The following LAMA2 variants were observed in gnomAD, a reference collection of about 807,000 sequenced individuals.
LAMA2 encodes laminin subunit alpha-2.
LAMA2 carries 269 observed loss-of-function variants against 364.8 expected under a neutral mutation model. The observed-to-expected ratio is 0.74, with a 90% CI of 0.67 to 0.82. The LOEUF (loss-of-function observed/expected upper bound fraction) is 0.82. Among genes scored for constraint, LAMA2 ranks in the 40% least tolerant of loss-of-function variants. The probability of loss-of-function intolerance (pLI) is 0.00; values close to 1 mark genes in which losing one functional copy is unlikely to be tolerated. For synonymous variants in LAMA2, 1,379 were observed against 1,370.6 expected, an observed-to-expected ratio of 1.01 and a Z score of -0.14; for missense variants, 3,807 against 3,873.2, an observed-to-expected ratio of 0.98 and a Z score of 0.45.
At chr6:129,129,923 CA>C (rs543305057) in intron 4 of LAMA2, among the ~76,000 whole-genome samples, 7,576 of 76,338 alleles carry the variant, frequency 0.099, 703 homozygotes, top group African/African-American at 0.28. Context: ...GATTCCGTCT[CA>C]AAAAAAAAAA....
intron 1 of LAMA2, among the ~76,000 whole-genome samples, chr6:129,022,270 C>G (rs1053052373): frequency 6.6e-6 from 1 of 152,098 alleles, no homozygotes; most frequent in Non-Finnish European, 1.5e-5. Flanking sequence ...CATACATTTT[C>G]GAGGTTTTTA....
chr6:129,408,850 A>G (rs1024847885), intron 40 of LAMA2, among the ~76,000 whole-genome samples: 1 of 152,120 alleles, frequency 6.6e-6, no homozygotes, highest in African/African-American at 2.4e-5. Context: ...TGAGTGGTGT[A>G]CACAGAATGA....
rs544200684 is a variant in LAMA2 at position 129,079,243 on chromosome 6, TTATTA to T, written c.397-18920_397-18916del. On this transcript the variant is annotated intron_variant, in intron 3 of 64. Coordinates refer to ENST00000421865, the MANE Select transcript of LAMA2 (RefSeq NM_000426.4). ...GGGAGAAGCTACATTCACATAACTT[TTATTA>T]TATTATATTGTTGTATTTTTTATTA... Among the ~76,000 whole-genome samples, 1,094 of 152,286 alleles carry T rather than the reference TTATTA, an allele frequency of 7.2e-3. 10 individuals are homozygous for T. Among genetic ancestry groups the T allele is most frequent in the Admixed American group, 0.016 (249 of 15,292 alleles).
rs1554297888 is a variant in LAMA2 at position 129,442,218 on chromosome 6, C to T, written c.6269-845C>T. ...ATGGAGCCTGATTTCAGCATCCTAG[C>T]CTCAAATCAAATCCTATGGATGCTA... On this transcript the variant is annotated intron_variant, in intron 43 of 64. Coordinates refer to ENST00000421865, the MANE Select transcript of LAMA2 (RefSeq NM_000426.4). 1 of 1,319,618 alleles carries T rather than the reference C, an allele frequency of 7.6e-7. No individual in the cohort carries two copies. The highest frequency in any genetic ancestry group is 1.0e-6 in the Non-Finnish European group (1 of 995,424). The allele number at this position is 1,319,618 out of a possible 1,614,324, so 81.7% of individuals were successfully genotyped here. A position where few individuals can be genotyped will look rare whatever the true frequency, so the allele number is the denominator to read the frequency against.
At chr6:129,077,957 C>A (rs1352660823) in intron 3 of LAMA2, among the ~76,000 whole-genome samples, 1 of 152,104 alleles carries the variant, frequency 6.6e-6, no homozygotes, top group African/African-American at 2.4e-5. Context: ...ATGTCCAAAC[C>A]CGCAGGACGT....
chr6:129,341,627 C>T (rs1009192434), intron 29 of LAMA2, among the ~76,000 whole-genome samples: 4 of 152,110 alleles, frequency 2.6e-5, no homozygotes, highest in African/African-American at 9.7e-5. Flanking sequence ...CAGTGCATTC[C>T]ATGTAGCTCT....
chr6:129,399,701 A>G (rs1779856647), intron 37 of LAMA2, among the ~76,000 whole-genome samples: 1 of 152,150 alleles, frequency 6.6e-6, no homozygotes, highest in Non-Finnish European at 1.5e-5. Flanking sequence ...AAGAGTAGGA[A>G]GAGCACATAG....
intron 20 of LAMA2, 78 bp from the exon 21 acceptor site, chr6:129,297,603 CCTGA>C: frequency 7.6e-7 from 1 of 1,321,190 alleles, no homozygotes; most frequent in Non-Finnish European, 1.1e-6. Flanking sequence ...TCTGTTCCCA[CCTGA>C]TCTTTGGTAT....
At chr6:129,068,318 A>C (rs1446953362) in intron 3 of LAMA2, among the ~76,000 whole-genome samples, 1 of 152,332 alleles carries the variant, frequency 6.6e-6, no homozygotes, top group Non-Finnish European at 1.5e-5. Flanking sequence ...TATTTGGGCT[A>C]TTATAACAAA....
At chr6:128,950,593 A>G (rs1305255252) in intron 1 of LAMA2, among the ~76,000 whole-genome samples, 11 of 152,124 alleles carry the variant, frequency 7.2e-5, no homozygotes. Flanking sequence ...TGGGTTCCAC[A>G]TGGCCCAGGA....
chr6:129,370,825 G>A (rs1242118500), intron 34 of LAMA2, among the ~76,000 whole-genome samples: 1 of 152,220 alleles, frequency 6.6e-6, no homozygotes, highest in East Asian at 1.9e-4. Flanking sequence ...GCTGGACCCA[G>A]TCTCAAGATT....
At chr6:129,344,460 T>G (rs1776435803) in intron 30 of LAMA2, among the ~76,000 whole-genome samples, 2 of 152,122 alleles carry the variant, frequency 1.3e-5, no homozygotes, top group African/African-American at 2.4e-5. Flanking sequence ...GAGAGAGCCG[T>G]TAGAGAAGAA....
Position 129,098,218 on chromosome 6 carries a change from C to G in LAMA2, c.442C>G (p.Arg148Gly). 2 of 1,614,022 alleles carry G rather than the reference C, an allele frequency of 1.2e-6. No individual in the cohort carries two copies. The highest frequency in any genetic ancestry group is 1.7e-6 in the Non-Finnish European group (2 of 1,179,960). The change falls in exon 4 of 65, where the codon CGG becomes GGG. Residue 148 changes from arginine to glycine, a missense_variant. Physicochemically the swap from Arg to Gly is moderately radical, Grantham distance 125. Transcript: ENST00000421865. ...GATTGTGAAGGCAGCTAACTCCCCC[C>G]GGCCTGGAAACTGGATTTTGGAACG... ...YVIVKAANSPRPGNWILERSL... is the reference protein window; with the variant it reads ...YVIVKAANSPGPGNWILERSL...
At chr6:129,470,840 C>T (rs1267569744) in intron 51 of LAMA2, among the ~76,000 whole-genome samples, 1 of 151,822 alleles carries the variant, frequency 6.6e-6, no homozygotes, top group Non-Finnish European at 1.5e-5. Context: ...TTGGCAAGAG[C>T]ACTGTCTCTT....
At chr6:129,415,540 A>G (rs1015720849) in intron 40 of LAMA2, among the ~76,000 whole-genome samples, 2 of 152,134 alleles carry the variant, frequency 1.3e-5, no homozygotes, top group Middle Eastern at 6.3e-3. Context: ...ATTGAGGAGC[A>G]GGAACTATCT....
chr6:129,393,152 A>G lies in LAMA2; in HGVS notation c.5342A>G (p.Asn1781Ser). Residue 1781 changes from asparagine (N) to serine (S), a missense_variant, in exon 37 of 65, where the codon AAC (asparagine) becomes AGC (serine). By Grantham distance (46) the Asn-to-Ser change is conservative. Transcript: ENST00000421865. ...DLREKLADYKNKVDDAWDLLR... is the reference protein window; with the variant it reads ...DLREKLADYKSKVDDAWDLLR... ...CGGGAAAAACTGGCTGACTACAAAA[A>G]CAAAGTTGATGATGCTTGGGACCTT... 6.2e-7 allele frequency: 1 copy of G among 1,614,136 alleles called. No homozygotes were observed. Among genetic ancestry groups the G allele is most frequent in the South Asian group, 1.1e-5 (1 of 91,088 alleles).
intron 17 of LAMA2, 105 bp downstream of exon 17, chr6:129,270,856 AAC>A (rs1326146825): frequency 1.0e-5 from 12 of 1,202,458 alleles, no homozygotes; most frequent in East Asian, 2.4e-5. Flanking sequence ...ATAAATAATA[AAC>A]ACAGACATGA....
At chr6:129,294,981 G>A (rs1037882863) in intron 20 of LAMA2, among the ~76,000 whole-genome samples, 4 of 152,128 alleles carry the variant, frequency 2.6e-5, no homozygotes, top group South Asian at 2.1e-4. Context: ...GAAAGTCAAC[G>A]TTCATTCAAG....
At chr6:129,238,766 C>A (rs1785190777) in intron 12 of LAMA2, among the ~76,000 whole-genome samples, 1 of 152,112 alleles carries the variant, frequency 6.6e-6, no homozygotes, top group East Asian at 1.9e-4. Context: ...AATAATAAAC[C>A]TACATTATAC....
Sources: gnomAD v4.1 joint callset for allele counts (sites outside exome capture counted in the v4.1 genomes callset) on GRCh38, gnomAD v4.1.1 for gene constraint, MANE v1.5 for transcripts, NCBI Gene and HGNC (gene_info 2026-07-23, HGNC 2026-07-21) for gene names.